Variants in RB1 observed in about 807,000 individuals in gnomAD.
The protein encoded by RB1 is RB transcriptional corepressor 1, also known as retinoblastoma-associated protein.
Under a neutral mutation model 135.4 loss-of-function variants are expected in RB1, and 18 were observed. That is an observed-to-expected ratio of 0.13 (90% CI 0.09 to 0.20). The LOEUF (loss-of-function observed/expected upper bound fraction) is 0.20, where lower values mean the gene tolerates loss of function less well. RB1 is among the 10% of genes least tolerant of loss of function. RB1 has a pLI of 1.00. For missense variants in RB1, 868 were observed against 1,110.0 expected (o/e 0.78, Z 3.10); for synonymous variants, 365 against 373.2 (o/e 0.98, Z 0.25).
intron 2 of RB1, among the ~76,000 whole-genome samples, chr13:48,313,337 T>TA (rs1245149822): frequency 3.3e-5 from 5 of 151,784 alleles, no homozygotes; most frequent in African/African-American, 9.7e-5. Flanking sequence ...ATTTGCAGCG[T>TA]AGGATTTTAA....
At chr13:48,383,982 G>A (rs1466972886) in intron 17 of RB1, among the ~76,000 whole-genome samples, 7 of 151,994 alleles carry the variant, frequency 4.6e-5, no homozygotes, top group Non-Finnish European at 8.8e-5. Flanking sequence ...ATACTGTGAA[G>A]ATACAAAAAA....
chr13:48,326,611 A>G (rs1404232127), intron 2 of RB1, among the ~76,000 whole-genome samples: 5 of 151,948 alleles, frequency 3.3e-5, no homozygotes, highest in Non-Finnish European at 7.4e-5. Context: ...AGAGTTCTAT[A>G]TACATTTCCA....
chr13:48,409,869 G>A (rs114618904), intron 17 of RB1, among the ~76,000 whole-genome samples: 7,916 of 151,996 alleles, frequency 0.052, 681 homozygotes, highest in African/African-American at 0.17. Flanking sequence ...GTGAACCACC[G>A]TGCCCGGCCT....
chr13:48,420,575 T>A (rs1316303941), intron 17 of RB1, among the ~76,000 whole-genome samples: 1 of 152,130 alleles, frequency 6.6e-6, no homozygotes, highest in African/African-American at 2.4e-5. Flanking sequence ...CGTATTCAAG[T>A]AGGAAGAGAG....
chr13:48,464,958 C>T (rs888736075), intron 21 of RB1, 40 bp from the exon 22 acceptor site: 497 of 832,330 alleles, frequency 6.0e-4, no homozygotes, highest in East Asian at 1.6e-3. Context: ...GTAAATTTTA[C>T]TTTTTTTTTT....
At chr13:48,452,431 T>C (rs1193466508) in intron 17 of RB1, among the ~76,000 whole-genome samples, 1 of 152,156 alleles carries the variant, frequency 6.6e-6, no homozygotes. Flanking sequence ...TGGTAATTTG[T>C]ATTTTTGTAG....
At position 48,476,806 on chromosome 13, in the gene RB1, C is replaced by T. The variant is rs143105337; in HGVS notation, c.2626C>T (p.Arg876Cys). Reference sequence around the variant, plus strand: ...CCCTCCTAAACCACTGAAAAAACTACGCTTTGATATTGAAGGATCAGATGA... The same window carrying T: ...CCCTCCTAAACCACTGAAAAAACTATGCTTTGATATTGAAGGATCAGATGA... The part of the protein sequence containing the change: ...SNPPKPLKKL[R>C]FDIEGSDEAD... Residue 876 changes from arginine to cysteine, a missense_variant, in exon 25 of 27, where the codon CGC (arginine) becomes TGC (cysteine). Around this residue, in one of 3 missense-constraint regions of RB1, gnomAD observed 196 missense variants for 239.8 expected, o/e 0.82. Transcript: ENST00000267163. 1.5e-5 allele frequency: 24 copies of T among 1,613,642 alleles called. No homozygotes were observed. Among genetic ancestry groups the T allele is most frequent in the East Asian group, 4.5e-5 (2 of 44,864 alleles).
chr13:48,365,984 C>A (rs528680316), intron 9 of RB1, among the ~76,000 whole-genome samples: 1 of 152,164 alleles, frequency 6.6e-6, no homozygotes, highest in Non-Finnish European at 1.5e-5. Context: ...GATTTCAAAT[C>A]TGAGTAAGCA....
At chr13:48,323,438 G>T (rs936923529) in intron 2 of RB1, among the ~76,000 whole-genome samples, 1 of 151,598 alleles carries the variant, frequency 6.6e-6, no homozygotes, top group Non-Finnish European at 1.5e-5. Flanking sequence ...CTAACTAGAA[G>T]TTTCTCAATG....
chr13:48,473,754 C>T (rs1273116737), intron 24 of RB1, among the ~76,000 whole-genome samples: 1 of 152,026 alleles, frequency 6.6e-6, no homozygotes, highest in Non-Finnish European at 1.5e-5. Flanking sequence ...CTCTGGTGTT[C>T]TACAATTCAA....
intron 2 of RB1, among the ~76,000 whole-genome samples, chr13:48,336,363 A>C (rs1484334036): frequency 6.6e-6 from 1 of 152,132 alleles, no homozygotes; most frequent in African/African-American, 2.4e-5. Context: ...CAATTTCAGA[A>C]CGTGTTATTG....
intron 2 of RB1, among the ~76,000 whole-genome samples, chr13:48,316,201 T>C (rs1310383528): frequency 6.6e-6 from 1 of 151,456 alleles, no homozygotes; most frequent in Non-Finnish European, 1.5e-5. Flanking sequence ...CTTTAAATCG[T>C]TTTTTCCAGC....
At chr13:48,360,708 A>G (rs940961010) in intron 7 of RB1, 2 of 152,576 alleles carry the variant, frequency 1.3e-5, no homozygotes, top group African/African-American at 4.8e-5. Context: ...ACTTGCTAAT[A>G]TAATTAGATA....
chr13:48,418,104 G>T (rs542842455), intron 17 of RB1, among the ~76,000 whole-genome samples: 1 of 152,166 alleles, frequency 6.6e-6, no homozygotes, highest in South Asian at 2.1e-4. Context: ...TTGAAATGAA[G>T]GAAAAAATGT....
intron 1 of RB1, among the ~76,000 whole-genome samples, chr13:48,304,448 T>C (rs2138029256): frequency 6.6e-6 from 1 of 152,274 alleles, no homozygotes; most frequent in South Asian, 2.1e-4. Context: ...GGTGGTCGTC[T>C]GACTTTCTGT....
At chr13:48,332,129 A>G (rs1337097658) in intron 2 of RB1, among the ~76,000 whole-genome samples, 1 of 152,240 alleles carries the variant, frequency 6.6e-6, no homozygotes, top group East Asian at 1.9e-4. Context: ...AGTCAGACAC[A>G]GAAAGACAAA....
chr13:48,397,389 A>T (rs1948657001), intron 17 of RB1, among the ~76,000 whole-genome samples: 1 of 152,162 alleles, frequency 6.6e-6, no homozygotes, highest in Non-Finnish European at 1.5e-5. Flanking sequence ...CAAACTAACC[A>T]GGAAGAGAAA....
intron 17 of RB1, among the ~76,000 whole-genome samples, chr13:48,386,958 G>T (rs1948575594): frequency 6.6e-6 from 1 of 152,176 alleles, no homozygotes; most frequent in Non-Finnish European, 1.5e-5. Context: ...CATTGAGATT[G>T]TTTCCAGTTC....
intron 2 of RB1, chr13:48,328,518 T>C: frequency 1.3e-6 from 1 of 772,906 alleles, no homozygotes; most frequent in South Asian, 1.4e-5. Flanking sequence ...CTCCAGCTCA[T>C]TGCGACTTTT....
Sources: allele counts gnomAD v4.1 joint callset (sites outside exome capture counted in the v4.1 genomes callset), GRCh38; gene constraint gnomAD v4.1.1; regional missense constraint gnomAD v4.1.1; transcripts MANE v1.5; gene names NCBI Gene and HGNC (gene_info 2026-07-23, HGNC 2026-07-21).